KCNB2: variants seen among roughly 807,000 people sequenced by gnomAD.
The protein encoded by KCNB2 is potassium voltage-gated channel subfamily B member 2.
A neutral mutation model predicts 61.5 loss-of-function variants in KCNB2; 15 were observed. The observed-to-expected ratio is 0.24, with a 90% CI of 0.16 to 0.38. The LOEUF (loss-of-function observed/expected upper bound fraction) is 0.38, where lower values mean the gene tolerates loss of function less well. Ranked by LOEUF, KCNB2 falls within the 10% of genes least tolerant of loss-of-function variation. KCNB2 has a pLI of 1.00. For missense variants in KCNB2, 828 were observed against 1,125.2 expected (o/e 0.74, Z 3.78); for synonymous variants, 457 against 446.0 (o/e 1.02, Z -0.31).
chr8:72,624,901 A>AGC (rs1201350168), intron 2 of KCNB2, among the ~76,000 whole-genome samples: 1 of 152,190 alleles, frequency 6.6e-6, no homozygotes, highest in Non-Finnish European at 1.5e-5. Flanking sequence ...GAGCCCACCT[A>AGC]GCCAGGAGCT....
intron 1 of KCNB2, among the ~76,000 whole-genome samples, chr8:72,547,463 A>C (rs774762529): frequency 2.0e-5 from 3 of 152,214 alleles, no homozygotes; most frequent in Non-Finnish European, 4.4e-5. Context: ...AGATGCCATT[A>C]AGAACGTTTG....
At chr8:72,775,952 A>G (rs1808642001) in intron 2 of KCNB2, among the ~76,000 whole-genome samples, 1 of 152,206 alleles carries the variant, frequency 6.6e-6, no homozygotes, top group African/African-American at 2.4e-5. Flanking sequence ...ACATGCACAC[A>G]TATGTTCATT....
At chr8:72,771,621 A>G (rs965961184) in intron 2 of KCNB2, among the ~76,000 whole-genome samples, 12 of 152,062 alleles carry the variant, frequency 7.9e-5, no homozygotes, top group Non-Finnish European at 1.5e-5. Context: ...GTGATAGCCA[A>G]GTCTCATTGA....
chr8:72,887,806 C>A (rs1038053321), intron 2 of KCNB2, among the ~76,000 whole-genome samples: 24 of 152,198 alleles, frequency 1.6e-4, no homozygotes, highest in African/African-American at 5.3e-4. Context: ...AGCTCTGAAA[C>A]CCCCAGATGG....
At chr8:72,834,645 C>T (rs569115196) in intron 2 of KCNB2, among the ~76,000 whole-genome samples, 4 of 152,290 alleles carry the variant, frequency 2.6e-5, no homozygotes, top group African/African-American at 9.6e-5. Flanking sequence ...CTTCAGTCTC[C>T]TGTTTGGCAC....
chr8:72,748,609 G>GTTTTTT (rs758100543), intron 2 of KCNB2, among the ~76,000 whole-genome samples: 1 of 91,830 alleles, frequency 1.1e-5, no homozygotes, highest in African/African-American at 4.4e-5. Flanking sequence ...TTTTTTTTTT[G>GTTTTTT]TTGTTTTTTT....
At chr8:72,902,158 A>G (rs1402431786) in intron 2 of KCNB2, among the ~76,000 whole-genome samples, 6 of 152,150 alleles carry the variant, frequency 3.9e-5, no homozygotes, top group Admixed American at 3.9e-4. Flanking sequence ...AGATTAATCT[A>G]TGGCAAGGTG....
At chr8:72,550,434 A>T (rs1011137970) in intron 1 of KCNB2, among the ~76,000 whole-genome samples, 1 of 152,198 alleles carries the variant, frequency 6.6e-6, no homozygotes, top group African/African-American at 2.4e-5. Flanking sequence ...GCCTGAAAAC[A>T]AACATAGAAC....
chr8:72,826,192 G>A (rs1809592767), intron 2 of KCNB2, among the ~76,000 whole-genome samples: 4 of 152,084 alleles, frequency 2.6e-5, no homozygotes, highest in African/African-American at 9.7e-5. Flanking sequence ...TATCCATTAC[G>A]TATCATATCA....
intron 2 of KCNB2, among the ~76,000 whole-genome samples, chr8:72,658,331 C>G (rs1806324077): frequency 1.3e-5 from 2 of 152,170 alleles, no homozygotes; most frequent in African/African-American, 4.8e-5. Context: ...CCAGCCACAA[C>G]ATTTCCTTAT....
chr8:72,591,725 C>A (rs1489751515), intron 2 of KCNB2, among the ~76,000 whole-genome samples: 1 of 151,992 alleles, frequency 6.6e-6, no homozygotes, highest in Admixed American at 6.6e-5. Context: ...GTAATCAGAC[C>A]AGATTACCAA....
chr8:72,638,067 G>T (rs915735130), intron 2 of KCNB2, among the ~76,000 whole-genome samples: 1 of 151,910 alleles, frequency 6.6e-6, no homozygotes, highest in Non-Finnish European at 1.5e-5. Flanking sequence ...TGTAAATATT[G>T]AGTGATAAAA....
intron 2 of KCNB2, among the ~76,000 whole-genome samples, chr8:72,753,875 C>G (rs577034592): frequency 6.6e-6 from 1 of 152,284 alleles, no homozygotes; most frequent in East Asian, 1.9e-4. Context: ...TCCAACAGAA[C>G]ACACATTAAG....
chr8:72,709,316 A>G (rs915625419), intron 2 of KCNB2, among the ~76,000 whole-genome samples: 5 of 152,208 alleles, frequency 3.3e-5, no homozygotes, highest in African/African-American at 4.8e-5. Context: ...AAGATTCTCA[A>G]AACAAAATTT....
In KCNB2 at chr8:72,567,750, C is replaced by G; in HGVS notation, c.16C>G (p.Pro6Ala). The change falls in exon 2 of 3, where the codon CCC (proline) becomes GCC (alanine). Residue 6 changes from proline to alanine, a missense_variant. By Grantham distance (27) the Pro-to-Ala change is conservative. This residue lies in a region of KCNB2 where 62 missense variants were observed against 54.8 expected (regional missense o/e 1.13). Transcript: ENST00000523207. MAEKA[P>A]PGLNRKTSRS... ...CCAGTTCAAAATGGCAGAAAAGGCT[C>G]CCCCGGGCTTAAACAGGAAGACTTC... 6.4e-7 allele frequency: 1 copy of G among 1,568,254 alleles called. No homozygotes were observed.
intron 2 of KCNB2, among the ~76,000 whole-genome samples, chr8:72,821,687 T>C (rs1252386241): frequency 2.0e-5 from 3 of 147,536 alleles, no homozygotes; most frequent in African/African-American, 7.5e-5. Flanking sequence ...CCCCACAGTG[T>C]GTGGAACTGG....
intron 2 of KCNB2, among the ~76,000 whole-genome samples, chr8:72,795,608 A>G (rs1809018965): frequency 6.6e-6 from 1 of 152,228 alleles, no homozygotes; most frequent in Non-Finnish European, 1.5e-5. Context: ...CCTTTTGTTC[A>G]TCAGAGGGCT....
intron 2 of KCNB2, among the ~76,000 whole-genome samples, chr8:72,613,236 A>G (rs971208144): frequency 6.6e-6 from 1 of 152,242 alleles, no homozygotes; most frequent in African/African-American, 2.4e-5. Flanking sequence ...AATTATCTCC[A>G]GATAAATTCA....
At chr8:72,669,877 A>G (rs1360404034) in intron 2 of KCNB2, among the ~76,000 whole-genome samples, 1 of 152,154 alleles carries the variant, frequency 6.6e-6, no homozygotes, top group Non-Finnish European at 1.5e-5. Context: ...GTCTAGCTGG[A>G]ACCCCCAGGG....
Sources: gnomAD v4.1 joint callset for allele counts (sites outside exome capture counted in the v4.1 genomes callset) on GRCh38, gnomAD v4.1.1 for gene constraint, gnomAD v4.1.1 regional missense constraint, MANE v1.5 for transcripts, NCBI Gene and HGNC (gene_info 2026-07-23, HGNC 2026-07-21) for gene names.